Variants in PDZRN4 observed in about 807,000 individuals in gnomAD.
PDZRN4 encodes the protein PDZ domain containing ring finger 4.
A neutral mutation model predicts 99.0 loss-of-function variants in PDZRN4; 70 were observed. The observed-to-expected ratio is 0.71, with a 90% CI of 0.58 to 0.86. PDZRN4 has a LOEUF of 0.86. Ranked by LOEUF, PDZRN4 falls within the 40% of genes least tolerant of loss-of-function variation. PDZRN4 has a pLI of 0.00. For missense variants in PDZRN4, 1,474 were observed against 1,331.2 expected (o/e 1.11, Z -1.67); for synonymous variants, 551 against 501.6 (o/e 1.10, Z -1.32).
Position 41,567,840 on chromosome 12 carries a change from G to T in PDZRN4, c.1525G>T (p.Glu509Ter). The part of the protein sequence containing the change: ...RNEFLEELNL[E>*]MLEEEHNEAM... ...TGAATTCTTAGAGGAGTTAAACTTG[G>T]AGATGTTGGAAGAAGAGCATAATGA... is the stretch of plus-strand genomic sequence containing the variant. The change falls in exon 9 of 10, where the codon GAG becomes TAG. Residue 509 changes from glutamate to a stop codon, truncating the protein, a stop_gained. Coordinates refer to ENST00000402685, the MANE Select transcript of PDZRN4 (RefSeq NM_001164595.2). LOFTEE classifies it high-confidence loss of function. 6.2e-7 allele frequency: 1 copy of T among 1,613,678 alleles called. No homozygotes were observed. The highest frequency in any genetic ancestry group is 8.5e-7 in the Non-Finnish European group (1 of 1,179,764).
chr12:41,301,485 G>C (rs1377042505), intron 3 of PDZRN4, among the ~76,000 whole-genome samples: 2 of 151,906 alleles, frequency 1.3e-5, no homozygotes, highest in Non-Finnish European at 2.9e-5. Context: ...ATAAGGATAA[G>C]ACATAAGGAT....
chr12:41,391,940 G>T (rs1289729331), intron 3 of PDZRN4, among the ~76,000 whole-genome samples: 3 of 152,256 alleles, frequency 2.0e-5, no homozygotes, highest in South Asian at 2.1e-4. Flanking sequence ...TTTCTTAGTA[G>T]CACAGGACTT....
intron 3 of PDZRN4, among the ~76,000 whole-genome samples, chr12:41,435,498 C>T (rs1952620967): frequency 6.6e-6 from 1 of 152,178 alleles, no homozygotes; most frequent in Admixed American, 6.5e-5. Flanking sequence ...TAAAAAAATA[C>T]AGAGTATGGG....
intron 3 of PDZRN4, among the ~76,000 whole-genome samples, chr12:41,340,032 C>A (rs1951805147): frequency 6.6e-6 from 1 of 151,958 alleles, no homozygotes; most frequent in Admixed American, 6.6e-5. Context: ...CCTCAAAAAA[C>A]TAAAAATAGA....
chr12:41,538,645 T>C (rs1254598367), intron 5 of PDZRN4, among the ~76,000 whole-genome samples: 2 of 152,144 alleles, frequency 1.3e-5, no homozygotes, highest in African/African-American at 4.8e-5. Flanking sequence ...ACGCAATTGA[T>C]ATAATTGTTG....
At chr12:41,467,915 C>T (rs1952944343) in intron 3 of PDZRN4, among the ~76,000 whole-genome samples, 1 of 152,114 alleles carries the variant, frequency 6.6e-6, no homozygotes, top group South Asian at 2.1e-4. Context: ...GACTCTTTTC[C>T]CCCTGTAAAT....
chr12:41,529,533 T>A (rs1938625001), intron 5 of PDZRN4, among the ~76,000 whole-genome samples: 1 of 152,252 alleles, frequency 6.6e-6, no homozygotes, highest in Non-Finnish European at 1.5e-5. Flanking sequence ...AAAGTGTTTA[T>A]TCTTTTACAT....
intron 3 of PDZRN4, among the ~76,000 whole-genome samples, chr12:41,428,546 T>C (rs1255634135): frequency 1.3e-5 from 2 of 152,206 alleles, no homozygotes; most frequent in Non-Finnish European, 2.9e-5. Flanking sequence ...GACAGAGTCA[T>C]GTTAGCAGAG....
intron 5 of PDZRN4, among the ~76,000 whole-genome samples, chr12:41,527,231 G>C (rs892590754): frequency 6.6e-6 from 1 of 152,162 alleles, no homozygotes; most frequent in Non-Finnish European, 1.5e-5. Context: ...AGCACAGGAG[G>C]TTCCAGGAAA....
chr12:41,436,766 G>A (rs1026686954), intron 3 of PDZRN4, among the ~76,000 whole-genome samples: 12 of 152,268 alleles, frequency 7.9e-5, no homozygotes, highest in African/African-American at 2.6e-4. Flanking sequence ...CATTACTTCT[G>A]TTATCTAAAC....
intron 5 of PDZRN4, among the ~76,000 whole-genome samples, chr12:41,537,792 C>G (rs1938775102): frequency 1.3e-5 from 2 of 152,224 alleles, no homozygotes; most frequent in South Asian, 4.2e-4. Flanking sequence ...AAAGATAACC[C>G]TGAAGAGAAG....
At chr12:41,190,396 G>C (rs1339630585) in intron 1 of PDZRN4, among the ~76,000 whole-genome samples, 1 of 152,228 alleles carries the variant, frequency 6.6e-6, no homozygotes, top group Non-Finnish European at 1.5e-5. Flanking sequence ...GAAAAGCACA[G>C]ATAGAAGCTT....
At chr12:41,528,192 GTTTGTT>G (rs147184599) in intron 5 of PDZRN4, among the ~76,000 whole-genome samples, 42,723 of 151,038 alleles carry the variant, frequency 0.28, 9,516 homozygotes, top group African/African-American at 0.62. Flanking sequence ...TTTTTTGTTT[GTTTGTT>G]TTTGTTTTTG....
chr12:41,368,938 A>G (rs1565564074), intron 3 of PDZRN4, among the ~76,000 whole-genome samples: 1 of 152,122 alleles, frequency 6.6e-6, no homozygotes, highest in East Asian at 1.9e-4. Context: ...TACATAAGTA[A>G]GAGAGTTACC....
chr12:41,193,324 T>C (rs1261538400), intron 2 of PDZRN4, among the ~76,000 whole-genome samples: 1 of 152,218 alleles, frequency 6.6e-6, no homozygotes, highest in Non-Finnish European at 1.5e-5. Context: ...TTATTTAACC[T>C]GTCATGAAGT....
At chr12:41,455,020 A>T (rs534840045) in intron 3 of PDZRN4, among the ~76,000 whole-genome samples, 81 of 152,354 alleles carry the variant, frequency 5.3e-4, no homozygotes, top group African/African-American at 1.9e-3. Flanking sequence ...ATGTGGCTAG[A>T]CTATTGTATT....
At chr12:41,436,972 T>G (rs563800033) in intron 3 of PDZRN4, among the ~76,000 whole-genome samples, 37 of 152,304 alleles carry the variant, frequency 2.4e-4, no homozygotes, top group Non-Finnish European at 4.6e-4. Context: ...GAAAAGGCAT[T>G]GTGTTGATCT....
intron 3 of PDZRN4, among the ~76,000 whole-genome samples, chr12:41,368,158 T>C (rs1463763459): frequency 6.6e-6 from 1 of 152,090 alleles, no homozygotes; most frequent in Non-Finnish European, 1.5e-5. Flanking sequence ...CCTCACCATT[T>C]GCCTGCCTTT....
intron 3 of PDZRN4, among the ~76,000 whole-genome samples, chr12:41,314,518 C>G (rs1951626575): frequency 6.6e-6 from 1 of 152,134 alleles, no homozygotes; most frequent in Non-Finnish European, 1.5e-5. Context: ...TATGGAGGAG[C>G]CTGGAGCCTT....
Sources: gnomAD v4.1 joint callset for allele counts (sites outside exome capture counted in the v4.1 genomes callset) on GRCh38, gnomAD v4.1.1 for gene constraint, MANE v1.5 for transcripts, NCBI Gene and HGNC (gene_info 2026-07-23, HGNC 2026-07-21) for gene names.